Variants in LYPLA1 observed in about 807,000 individuals in gnomAD.
The protein encoded by LYPLA1 is lysophospholipase 1, also known as acyl-protein thioesterase 1.
LYPLA1 carries 17 observed loss-of-function variants against 34.0 expected under a neutral mutation model. The observed-to-expected ratio is 0.50, with a 90% confidence interval of 0.34 to 0.75. The LOEUF (loss-of-function observed/expected upper bound fraction) is 0.75. Ranked by LOEUF, LYPLA1 falls within the 30% of genes least tolerant of loss-of-function variation. The probability of loss-of-function intolerance (pLI) is 0.01; values close to 1 mark genes in which losing one functional copy is unlikely to be tolerated. For synonymous variants in LYPLA1, 98 were observed against 100.8 expected, an observed-to-expected ratio of 0.97 and a Z score of 0.17; for missense variants, 203 against 288.8, an observed-to-expected ratio of 0.70 and a Z score of 2.15.
chr8:54,063,399 A>G (rs1372703351), intron 3 of LYPLA1, 24 bp from the exon 4 acceptor site: 2 of 1,468,240 alleles, frequency 1.4e-6, no homozygotes, highest in Non-Finnish European at 1.8e-6. Context: ...AAAAAACAAC[A>G]AAATCAGAAT....
chr8:54,089,138 T>C (rs561345347), intron 2 of LYPLA1, among the ~76,000 whole-genome samples: 4 of 152,326 alleles, frequency 2.6e-5, no homozygotes, highest in East Asian at 1.9e-4. Flanking sequence ...ACAGTGGTAA[T>C]AGTTGAACAA....
chr8:54,101,924 A>G lies in LYPLA1; in HGVS notation c.-101T>C. ...AGTCCCGGCCGGCCCCACCGGGCGC[A>G]CGCTCAGGCGCGTGCGCGCCAACGC... is the stretch of plus-strand genomic sequence containing the variant. On this transcript the variant is annotated 5_prime_UTR_variant, in exon 1 of 9. Coordinates refer to ENST00000316963, the MANE Select transcript of LYPLA1 (RefSeq NM_006330.4). 1.7e-6 allele frequency: 1 copy of G among 602,636 alleles called. No homozygotes were observed. The highest frequency in any genetic ancestry group is 2.2e-6 in the Non-Finnish European group (1 of 446,336). 37.3% of individuals were successfully genotyped at this position (602,636 alleles called of 1,614,324 possible). A position where few individuals can be genotyped will look rare whatever the true frequency, so the allele number is the denominator to read the frequency against.
At chr8:54,095,184 A>C (rs1419556739) in intron 2 of LYPLA1, among the ~76,000 whole-genome samples, 1 of 152,112 alleles carries the variant, frequency 6.6e-6, no homozygotes, top group Non-Finnish European at 1.5e-5. Flanking sequence ...TTTAGTAGAG[A>C]CGAGGTTTCG....
chr8:54,087,633 G>T (rs1163241181), intron 2 of LYPLA1, among the ~76,000 whole-genome samples: 2 of 152,192 alleles, frequency 1.3e-5, no homozygotes, highest in African/African-American at 4.8e-5. Flanking sequence ...TAGGAGTCTA[G>T]TGTCCAGACA....
chr8:54,051,890 A>G (rs1404538921), intron 7 of LYPLA1, among the ~76,000 whole-genome samples: 6 of 137,018 alleles, frequency 4.4e-5, no homozygotes, highest in Admixed American at 3.0e-4. Context: ...TTGCTCTGTT[A>G]CCCAGGCTGG....
intron 2 of LYPLA1, among the ~76,000 whole-genome samples, chr8:54,080,303 G>A (rs1054641262): frequency 4.6e-5 from 7 of 151,656 alleles, no homozygotes; most frequent in East Asian, 1.9e-4. Flanking sequence ...ACTGAGCCAC[G>A]AGCGTACTAT....
intron 2 of LYPLA1, among the ~76,000 whole-genome samples, chr8:54,081,734 T>G (rs1192434765): frequency 6.6e-6 from 1 of 151,200 alleles, no homozygotes; most frequent in Non-Finnish European, 1.5e-5. Context: ...GTTTTTTTTT[T>G]TTTTGAGACA....
chr8:54,078,893 T>C lies in LYPLA1; in HGVS notation c.102-13080A>G, dbSNP rs1305619515. ...ATGTTCAACAACCCCCCCCCTTTTT[T>C]TTTGCTTTTTATGTTTAACACTTTA... On this transcript the variant is annotated intron_variant, in intron 2 of 8. Coordinates refer to ENST00000316963, the MANE Select transcript of LYPLA1 (RefSeq NM_006330.4). 2.0e-5 allele frequency among the ~76,000 whole-genome samples: 3 copies of C among 151,976 alleles called. No individual in the cohort carries two copies. The East Asian group carries it at 5.8e-4, about 29-fold the overall frequency.
intron 2 of LYPLA1, among the ~76,000 whole-genome samples, chr8:54,067,112 T>A (rs1055129363): frequency 3.0e-4 from 45 of 152,042 alleles, no homozygotes; most frequent in African/African-American, 8.5e-4. Flanking sequence ...GAGGTTGCAG[T>A]GAGCCAAGAC....
intron 2 of LYPLA1, among the ~76,000 whole-genome samples, chr8:54,073,773 AACT>A (rs1586129531): frequency 2.0e-5 from 3 of 152,092 alleles, no homozygotes; most frequent in Non-Finnish European, 2.9e-5. Context: ...TCCCCCAAAA[AACT>A]ACTTCTTTTT....
intron 5 of LYPLA1, among the ~76,000 whole-genome samples, chr8:54,061,594 G>A (rs1806638166): frequency 6.6e-6 from 1 of 152,076 alleles, no homozygotes; most frequent in Non-Finnish European, 1.5e-5. Context: ...GGCAACACAG[G>A]GAGACCCTGT....
intron 5 of LYPLA1, among the ~76,000 whole-genome samples, chr8:54,058,000 A>C (rs879704136): frequency 2.0e-5 from 3 of 152,174 alleles, no homozygotes; most frequent in Non-Finnish European, 4.4e-5. Context: ...TTTCCCATTA[A>C]ATATTTTGTT....
At chr8:54,071,124 A>G (rs1807432392) in intron 2 of LYPLA1, among the ~76,000 whole-genome samples, 1 of 152,226 alleles carries the variant, frequency 6.6e-6, no homozygotes, top group Admixed American at 6.5e-5. Flanking sequence ...GAATATGCAG[A>G]ACTGAAGGCT....
intron 6 of LYPLA1, chr8:54,054,838 G>A (rs1157318528): frequency 4.5e-6 from 2 of 443,246 alleles, no homozygotes; most frequent in Non-Finnish European, 7.9e-6. Context: ...GATAAACTGT[G>A]TTAACTTAGA....
chr8:54,048,053 C>G lies in LYPLA1; in HGVS notation c.*12G>C, dbSNP rs1165939445. Reference sequence around the variant, plus strand: ...ATGCTGGTGTACTTCTACACAAGGCCTCTTAGTGACGTCAATCAATTGGAG... The same window carrying G: ...ATGCTGGTGTACTTCTACACAAGGCGTCTTAGTGACGTCAATCAATTGGAG... On this transcript the variant is annotated 3_prime_UTR_variant, in exon 9 of 9. Transcript: ENST00000316963. 1.3e-6 allele frequency: 2 copies of G among 1,585,856 alleles called. No homozygotes were observed. Among genetic ancestry groups the G allele is most frequent in the Admixed American group, 3.3e-5 (2 of 59,876 alleles).
At position 54,101,773 on chromosome 8, in the gene LYPLA1, G is replaced by T; in HGVS notation, c.51C>A (p.Ala17=). Residue 17 remains alanine, a synonymous_variant, in exon 1 of 9, where the codon GCC becomes GCA. Coordinates refer to ENST00000316963, the MANE Select transcript of LYPLA1 (RefSeq NM_006330.4). The part of the protein sequence containing the change: ...STPLPAIVPA[A]RKATAAVIFL... Reference sequence around the variant, plus strand: ...CACTCACCGCAGCGGTGGCCTTCCGGGCGGCGGGCACGATGGCGGGCAGCG... The same window carrying T: ...CACTCACCGCAGCGGTGGCCTTCCGTGCGGCGGGCACGATGGCGGGCAGCG... 1 of 1,300,104 alleles carries T rather than the reference G, an allele frequency of 7.7e-7. No individual in the cohort carries two copies. The allele number at this position is 1,300,104 out of a possible 1,614,324, so 80.5% of individuals were successfully genotyped here. A position where few individuals can be genotyped will look rare whatever the true frequency, so the allele number is the denominator to read the frequency against.
chr8:54,049,313 C>T (rs563423992), intron 8 of LYPLA1, among the ~76,000 whole-genome samples: 16 of 152,338 alleles, frequency 1.1e-4, no homozygotes, highest in African/African-American at 2.9e-4. Context: ...ATCAAGTGAT[C>T]GCACCTTCTA....
downstream of LYPLA1, among the ~76,000 whole-genome samples, chr8:54,044,587 G>A (rs1268359899): frequency 1.3e-5 from 2 of 151,966 alleles, no homozygotes; most frequent in Admixed American, 6.6e-5. Context: ...GGGGGGTGAC[G>A]GGGTGGAAGG....
At chr8:54,057,904 C>T (rs1431678821) in intron 5 of LYPLA1, among the ~76,000 whole-genome samples, 1 of 152,178 alleles carries the variant, frequency 6.6e-6, no homozygotes, top group African/African-American at 2.4e-5. Context: ...TGTATCAAAA[C>T]ATCTCACGTA....
Sources: allele counts gnomAD v4.1 joint callset (sites outside exome capture counted in the v4.1 genomes callset), GRCh38; gene constraint gnomAD v4.1.1; transcripts MANE v1.5; gene names NCBI Gene and HGNC (gene_info 2026-07-23, HGNC 2026-07-21).